Variants in QTGAL observed in about 807,000 individuals in gnomAD.
QTGAL encodes the protein BGnT-like protein 1.
chr17:83,028,473 C>T, the QTGAL span, among the ~76,000 whole-genome samples: 6 of 144,428 alleles, frequency 4.2e-5, no homozygotes, highest in Admixed American at 2.1e-4. Flanking sequence ...TGCAGTGAGC[C>T]GAGATTGCGC....
At chr17:82,942,274 T>C in the QTGAL span, 2 of 826,442 alleles carry the variant, frequency 2.4e-6, no homozygotes, top group Non-Finnish European at 3.8e-6. Flanking sequence ...ACGTTAGTCA[T>C]GAGCACCTGT....
chr17:83,023,586 G>A, the QTGAL span, among the ~76,000 whole-genome samples: 1 of 152,232 alleles, frequency 6.6e-6, no homozygotes, highest in African/African-American at 2.4e-5. Flanking sequence ...ACTGACCAGT[G>A]TACCATTCTA....
At chr17:83,007,645 T>C in the QTGAL span, among the ~76,000 whole-genome samples, 3 of 151,984 alleles carry the variant, frequency 2.0e-5, no homozygotes, top group Non-Finnish European at 4.4e-5. Context: ...GAGGCGCCTC[T>C]CGGACGGGGG....
the QTGAL span, among the ~76,000 whole-genome samples, chr17:83,034,276 G>A: frequency 6.6e-6 from 1 of 152,212 alleles, no homozygotes; most frequent in Non-Finnish European, 1.5e-5. Flanking sequence ...TTAGAAATCA[G>A]TAAGGTTATT....
At chr17:82,947,093 T>C in the QTGAL span, 1 of 868,416 alleles carries the variant, frequency 1.2e-6, no homozygotes, top group Non-Finnish European at 1.8e-6. Flanking sequence ...ACCTGTCAAG[T>C]GTTCTGCTCC....
the QTGAL span, chr17:82,949,924 A>G: frequency 8.5e-5 from 13 of 152,260 alleles, no homozygotes; most frequent in Admixed American, 8.5e-4. Flanking sequence ...TGGAGGACAC[A>G]TAAGATGGAC....
chr17:82,966,735 C>T, the QTGAL span, among the ~76,000 whole-genome samples: 1 of 152,272 alleles, frequency 6.6e-6, no homozygotes, highest in South Asian at 2.1e-4. Context: ...GCAACGAGCT[C>T]ATCCAGGGAG....
chr17:83,042,191 A>AC, the QTGAL span, among the ~76,000 whole-genome samples: 941 of 152,070 alleles, frequency 6.2e-3, 10 homozygotes, highest in African/African-American at 0.021. Flanking sequence ...ACAGGACAAA[A>AC]CCCCCTCTCT....
At chr17:82,942,529 G>C in the QTGAL span, 2 of 1,610,398 alleles carry the variant, frequency 1.2e-6, no homozygotes, top group Non-Finnish European at 8.5e-7. Context: ...AGGGAGGCCG[G>C]TGTGGAAAGC....
At chr17:82,957,569 G>A in the QTGAL span, 1 of 1,500,884 alleles carries the variant, frequency 6.7e-7, no homozygotes, top group Non-Finnish European at 9.0e-7. Flanking sequence ...ACAGGGACAT[G>A]ATGTGTGCTC....
the QTGAL span, among the ~76,000 whole-genome samples, chr17:82,990,617 A>T: frequency 6.6e-6 from 1 of 152,248 alleles, no homozygotes; most frequent in Non-Finnish European, 1.5e-5. Context: ...TTGGGGATTC[A>T]GTTAGATGCT....
the QTGAL span, among the ~76,000 whole-genome samples, chr17:82,975,171 C>G: frequency 1.3e-4 from 6 of 47,672 alleles, 1 homozygote; most frequent in Non-Finnish European, 1.6e-4. Context: ...ACGAGGGCCC[C>G]GGGACAGAGC....
At chr17:82,996,176 A>T in the QTGAL span, among the ~76,000 whole-genome samples, 2 of 152,210 alleles carry the variant, frequency 1.3e-5, no homozygotes, top group Non-Finnish European at 2.9e-5. Context: ...ACCCAAAGCA[A>T]TCTATAGATT....
the QTGAL span, among the ~76,000 whole-genome samples, chr17:83,035,464 C>T: frequency 6.6e-6 from 1 of 152,070 alleles, no homozygotes; most frequent in Non-Finnish European, 1.5e-5. Flanking sequence ...CCACCGCACC[C>T]GCCCAATATA....
chr17:82,988,006 C>T, the QTGAL span, among the ~76,000 whole-genome samples: 2 of 152,074 alleles, frequency 1.3e-5, no homozygotes, highest in African/African-American at 2.4e-5. Context: ...TAGCTGTATT[C>T]CTAGGTATTT....
At chr17:83,044,566 A>G in the QTGAL span, among the ~76,000 whole-genome samples, 1 of 152,250 alleles carries the variant, frequency 6.6e-6, no homozygotes. Context: ...TTTCCCCTAC[A>G]ATTGCTTGGG....
At chr17:82,956,377 G>A in the QTGAL span, among the ~76,000 whole-genome samples, 1 of 152,184 alleles carries the variant, frequency 6.6e-6, no homozygotes, top group Non-Finnish European at 1.5e-5. The surrounding 1 kb of genome is among the most constrained non-coding windows in gnomAD (Gnocchi z 5.7). Flanking sequence ...ACATGGCACC[G>A]CAGGGCCTCG....
At chr17:82,982,044 CGTGGTG>C in the QTGAL span, among the ~76,000 whole-genome samples, 1 of 149,118 alleles carries the variant, frequency 6.7e-6, no homozygotes, top group African/African-American at 2.5e-5. Context: ...TTCTCACCTC[CGTGGTG>C]ATGGGCCAAG....
the QTGAL span, among the ~76,000 whole-genome samples, chr17:82,956,227 A>G: frequency 6.6e-6 from 1 of 151,618 alleles, no homozygotes; most frequent in African/African-American, 2.4e-5. The surrounding 1 kb of genome is among the most constrained non-coding windows in gnomAD (Gnocchi z 5.7). Flanking sequence ...ACGCTTGGGG[A>G]AAAAGGCTGC....
Sources: allele counts gnomAD v4.1 joint callset (sites outside exome capture counted in the v4.1 genomes callset), GRCh38; gene constraint gnomAD v4.1.1; non-coding constraint Gnocchi (gnomAD v3.1); transcripts MANE v1.5; gene names NCBI Gene and HGNC (gene_info 2026-07-23, HGNC 2026-07-21).